Variants in SMYD3 observed in about 807,000 individuals in gnomAD.
The protein encoded by SMYD3 is histone-lysine N-methyltransferase SMYD3.
A neutral mutation model predicts 57.7 loss-of-function variants in SMYD3; 36 were observed. The observed-to-expected ratio is 0.62, with a 90% CI of 0.48 to 0.82. The LOEUF (loss-of-function observed/expected upper bound fraction) is 0.82. Ranked by LOEUF, SMYD3 falls within the 40% of genes least tolerant of loss-of-function variation. The pLI is 0.00. For synonymous variants in SMYD3, 211 were observed against 195.0 expected, an observed-to-expected ratio of 1.08 and a Z score of -0.68; for missense variants, 515 against 538.8, an observed-to-expected ratio of 0.96 and a Z score of 0.44.
intron 5 of SMYD3, among the ~76,000 whole-genome samples, chr1:246,240,683 G>A (rs1327641293): frequency 6.6e-6 from 1 of 152,328 alleles, no homozygotes; most frequent in South Asian, 2.1e-4. Flanking sequence ...ACCTTGGGCT[G>A]TATGGCCATT....
chr1:246,270,413 CT>C (rs1359530291), intron 5 of SMYD3, among the ~76,000 whole-genome samples: 42 of 152,334 alleles, frequency 2.8e-4, no homozygotes, highest in African/African-American at 9.9e-4. Context: ...CACCATCCAT[CT>C]CTGTAACTCT....
intron 5 of SMYD3, among the ~76,000 whole-genome samples, chr1:246,152,564 G>A (rs745994771): frequency 6.6e-6 from 1 of 152,204 alleles, no homozygotes. Flanking sequence ...CGCACTGAGT[G>A]AAGATTTTTC....
chr1:246,148,237 A>G (rs901548861), intron 5 of SMYD3, among the ~76,000 whole-genome samples: 1 of 152,130 alleles, frequency 6.6e-6, no homozygotes, highest in African/African-American at 2.4e-5. Context: ...GCTCAGCCAG[A>G]GCAGGGCACG....
chr1:246,327,024 C>G, intron 5 of SMYD3, 177 bp downstream of exon 5: 1 of 684,900 alleles, frequency 1.5e-6, no homozygotes. Context: ...AATTCATACC[C>G]TTCTCAATGC....
At chr1:246,138,249 C>T (rs1195177830) in intron 5 of SMYD3, among the ~76,000 whole-genome samples, 2 of 151,974 alleles carry the variant, frequency 1.3e-5, no homozygotes, top group Middle Eastern at 3.2e-3. Flanking sequence ...ACACCCTCTT[C>T]GTATATATTC....
intron 5 of SMYD3, among the ~76,000 whole-genome samples, chr1:246,028,145 G>A (rs1459725517): frequency 6.6e-6 from 1 of 152,058 alleles, no homozygotes; most frequent in African/African-American, 2.4e-5. Flanking sequence ...AAACCTAAAG[G>A]AAATAAATCC....
chr1:245,834,694 G>A (rs567973396), intron 10 of SMYD3, among the ~76,000 whole-genome samples: 3 of 152,268 alleles, frequency 2.0e-5, no homozygotes, highest in South Asian at 2.1e-4. Context: ...GGAGGATCAC[G>A]GCAACACAGG....
intron 5 of SMYD3, among the ~76,000 whole-genome samples, chr1:246,173,709 G>C (rs780656456): frequency 6.6e-6 from 1 of 152,086 alleles, no homozygotes; most frequent in Non-Finnish European, 1.5e-5. Context: ...AAGTATTCAG[G>C]GTCAATAAAG....
chr1:246,490,202 T>A (rs1034152925), intron 1 of SMYD3, among the ~76,000 whole-genome samples: 2 of 152,158 alleles, frequency 1.3e-5, no homozygotes, highest in African/African-American at 4.8e-5. Flanking sequence ...ATACTATTTC[T>A]GGTGACTACA....
At chr1:246,097,247 T>G (rs2060930771) in intron 5 of SMYD3, among the ~76,000 whole-genome samples, 2 of 152,200 alleles carry the variant, frequency 1.3e-5, no homozygotes, top group African/African-American at 4.8e-5. Context: ...AGGTCAGTGC[T>G]TGGCACACAT....
At chr1:246,072,851 C>A (rs1454561218) in intron 5 of SMYD3, among the ~76,000 whole-genome samples, 2 of 152,182 alleles carry the variant, frequency 1.3e-5, no homozygotes, top group Non-Finnish European at 2.9e-5. Flanking sequence ...CAAGTACACG[C>A]ATTATCACAA....
chr1:246,057,270 A>G lies in SMYD3; in HGVS notation c.532-127333T>C, dbSNP rs114778307. 5.1e-3 allele frequency among the ~76,000 whole-genome samples: 780 copies of G among 152,356 alleles called. 8 individuals carry two copies. Among genetic ancestry groups the G allele is most frequent in the Non-Finnish European group, 9.6e-3 (651 of 68,032 alleles). On this transcript the variant is annotated intron_variant, in intron 5 of 11. Transcript: ENST00000490107. The stretch of plus-strand genomic sequence containing the variant: ...CCTTCCTCTTCCATATAGTCTACCT[A>G]TAACAGCTATGGTCTATCTGTAATA...
intron 5 of SMYD3, among the ~76,000 whole-genome samples, chr1:246,238,696 T>C (rs2063550655): frequency 6.6e-6 from 1 of 152,194 alleles, no homozygotes; most frequent in Admixed American, 6.5e-5. Context: ...TCTCAGATTA[T>C]CTTCTTTCTT....
Position 245,913,510 on chromosome 1 carries a change from AT to A in SMYD3, c.813+2019del, listed in dbSNP as rs1174541029. Among the ~76,000 whole-genome samples the A allele has an allele frequency of 1.9e-3, 283 of 151,750 alleles. 1 individual carries two copies. Among genetic ancestry groups the A allele is most frequent in the African/African-American group, 6.2e-3 (255 of 41,280 alleles). On this transcript the variant is annotated intron_variant, in intron 8 of 11. Transcript: ENST00000490107. The stretch of plus-strand genomic sequence containing the variant: ...CATGTGCCCTAGAACTTAAACTATA[AT>A]TTAAAAAAAAAAAAAGAAAACATAG...
chr1:246,160,480 C>T (rs1219151176), intron 5 of SMYD3, among the ~76,000 whole-genome samples: 1 of 152,158 alleles, frequency 6.6e-6, no homozygotes, highest in Non-Finnish European at 1.5e-5. Flanking sequence ...AAAGCTCCTG[C>T]CAGTTCCTCG....
At chr1:245,774,441 C>T (rs1319122009) in intron 10 of SMYD3, among the ~76,000 whole-genome samples, 2 of 152,176 alleles carry the variant, frequency 1.3e-5, no homozygotes, top group Non-Finnish European at 2.9e-5. Flanking sequence ...CTGAGGAAAA[C>T]AAACTCCTCC....
intron 5 of SMYD3, among the ~76,000 whole-genome samples, chr1:246,120,145 C>G (rs1463093806): frequency 1.3e-5 from 2 of 152,132 alleles, no homozygotes; most frequent in Non-Finnish European, 2.9e-5. Context: ...CTTGGTATCT[C>G]TCTGCCTTTG....
intron 8 of SMYD3, among the ~76,000 whole-genome samples, chr1:245,894,829 T>A (rs4654067): frequency 6.6e-6 from 1 of 152,194 alleles, no homozygotes; most frequent in African/African-American, 2.4e-5. Context: ...GCCCCAAAGA[T>A]GGTAGAAAAG....
At chr1:246,134,509 C>T (rs1371860973) in intron 5 of SMYD3, among the ~76,000 whole-genome samples, 3 of 151,848 alleles carry the variant, frequency 2.0e-5, no homozygotes, top group African/African-American at 7.3e-5. Flanking sequence ...TTTATATGCC[C>T]CTAGCAGAAT....
Sources: allele counts gnomAD v4.1 joint callset (sites outside exome capture counted in the v4.1 genomes callset), GRCh38; gene constraint gnomAD v4.1.1; transcripts MANE v1.5; gene names NCBI Gene and HGNC (gene_info 2026-07-23, HGNC 2026-07-21).